The following PNPLA7 variants were observed in gnomAD, a reference collection of about 807,000 sequenced individuals.
The protein encoded by PNPLA7 is patatin like domain 7, lysophospholipase, also known as patatin-like phospholipase domain-containing protein 7.
PNPLA7 carries 153 observed loss-of-function variants against 161.7 expected under a neutral mutation model. The ratio of observed to expected loss-of-function variants is 0.95; its 90% CI spans 0.83 to 1.08. The LOEUF is 1.08. Among genes scored for constraint, PNPLA7 ranks in the 50% least tolerant of loss-of-function variants. PNPLA7 has a pLI of 0.00. For missense variants in PNPLA7, 1,739 were observed against 1,856.6 expected, an observed-to-expected ratio of 0.94 and a Z score of 1.16; for synonymous variants, 809 against 782.1, an observed-to-expected ratio of 1.03 and a Z score of -0.57.
At chr9:137,526,951 T>C (rs1835331240) in intron 8 of PNPLA7, among the ~76,000 whole-genome samples, 3 of 152,016 alleles carry the variant, frequency 2.0e-5, no homozygotes, top group African/African-American at 7.2e-5. Flanking sequence ...GGACCTCCAA[T>C]ACGATGCTGA....
chr9:137,494,575 C>G (rs1832937638), intron 19 of PNPLA7, among the ~76,000 whole-genome samples: 1 of 152,046 alleles, frequency 6.6e-6, no homozygotes, highest in Admixed American at 6.5e-5. Context: ...TCTGCGCCCT[C>G]ACCTGCTCCG....
At position 137,460,684 on chromosome 9, in the gene PNPLA7, C is replaced by T. The variant is rs781714440; in HGVS notation, c.3895G>A (p.Asp1299Asn). 8 of 1,612,860 alleles carry T rather than the reference C, an allele frequency of 5.0e-6. No homozygotes were observed. In the Admixed American group the frequency reaches 1.2e-4, roughly 24 times the overall value. The change falls in exon 34 of 35, where the codon GAT becomes AAT. Residue 1299 changes from aspartate to asparagine, a missense_variant. This residue lies in a region of PNPLA7 where 703 missense variants were observed against 694.6 expected (regional missense o/e 1.01). Transcript: ENST00000406427. ...YEEELLDVPR[D>N]AYADFQSTSA... ...GTGCTCTGGAAGTCTGCGTATGCAT[C>T]CCTGGGGACGTCCAGCAGCTCCTCC...
At chr9:137,502,691 A>G (rs1197097698) in intron 14 of PNPLA7, among the ~76,000 whole-genome samples, 10 of 55,908 alleles carry the variant, frequency 1.8e-4, no homozygotes, top group East Asian at 1.3e-3. Flanking sequence ...GATGAGGGGG[A>G]CGGGGGGGAC....
chr9:137,519,820 G>C (rs1176664626), intron 11 of PNPLA7, 97 bp downstream of exon 11: 1 of 1,492,598 alleles, frequency 6.7e-7, no homozygotes, highest in Non-Finnish European at 9.0e-7. Context: ...GGTGGCCTCA[G>C]GCATGTGCAA....
intron 14 of PNPLA7, among the ~76,000 whole-genome samples, chr9:137,502,013 G>A (rs569795192): frequency 1.3e-5 from 2 of 152,378 alleles, no homozygotes; most frequent in Admixed American, 6.5e-5. Context: ...ACGTAAAAGA[G>A]AGAGGATGTC....
At chr9:137,549,173 A>G (rs983888455) in intron 1 of PNPLA7, among the ~76,000 whole-genome samples, 20 of 152,348 alleles carry the variant, frequency 1.3e-4, no homozygotes, top group African/African-American at 4.8e-4. Flanking sequence ...ATGTGGCTAC[A>G]GATGTTTGAC....
chr9:137,484,488 C>G, intron 21 of PNPLA7, 99 bp downstream of exon 21: 4 of 1,338,576 alleles, frequency 3.0e-6, no homozygotes, highest in Non-Finnish European at 3.9e-6. Flanking sequence ...CCCTGCCCAC[C>G]CACCGCCGCG....
chr9:137,481,129 G>A (rs1026568951), intron 21 of PNPLA7, 106 bp from the exon 22 acceptor site: 9 of 1,174,158 alleles, frequency 7.7e-6, no homozygotes, highest in East Asian at 2.6e-5. Context: ...AGGCACCGAC[G>A]CCCAGCCAGG....
chr9:137,518,903 CTGCT>C (rs1308806976), intron 11 of PNPLA7, among the ~76,000 whole-genome samples: 2 of 134,640 alleles, frequency 1.5e-5, no homozygotes, highest in South Asian at 2.7e-4. Context: ...TCACTCCACT[CTGCT>C]CACTCCATCC....
rs1006035801 is a variant in PNPLA7 at position 137,499,239 on chromosome 9, C to A, written c.1758-994G>T. Among the ~76,000 whole-genome samples, 1 of 151,224 alleles carries A rather than the reference C, an allele frequency of 6.6e-6. No individual in the cohort carries two copies. Among genetic ancestry groups the A allele is most frequent in the Non-Finnish European group, 1.5e-5 (1 of 67,824 alleles). ...CGAGACACACACAGACACACAGACA[C>A]ACACAGACACAAGGAGACACACATG... On this transcript the variant is annotated intron_variant, in intron 16 of 34. Transcript: ENST00000406427. The surrounding 1 kb of genome is among the most constrained non-coding windows in gnomAD (Gnocchi z 5.5).
At chr9:137,502,442 A>G (rs1453108370) in intron 14 of PNPLA7, among the ~76,000 whole-genome samples, 2 of 150,978 alleles carry the variant, frequency 1.3e-5, no homozygotes, top group African/African-American at 4.9e-5. Context: ...CAAAAGAGAA[A>G]TGACATCACA....
At chr9:137,508,158 C>T (rs995056717) in intron 12 of PNPLA7, among the ~76,000 whole-genome samples, 1 of 151,810 alleles carries the variant, frequency 6.6e-6, no homozygotes, top group Non-Finnish European at 1.5e-5. Context: ...CCCAGGAGCT[C>T]GAGGCTGCAG....
chr9:137,464,412 G>A lies in PNPLA7; in HGVS notation c.3084C>T (p.Pro1028=). 6.2e-7 allele frequency: 1 copy of A among 1,614,004 alleles called. No homozygotes were observed. ...LMKAALDLTY[P]ITSMFSGAGF... ...CGGCTCCGGAGAACATGGACGTGAT[G>A]GGGTAGGTGAGGTCCAGCGCGGCCT... Residue 1028 remains proline (P), a synonymous_variant, in exon 27 of 35, where the codon CCC becomes CCT. Transcript: ENST00000406427.
chr9:137,522,819 C>T lies in PNPLA7; in HGVS notation c.786G>A (p.Ala262=), dbSNP rs765197283. The change falls in exon 9 of 35, where the codon GCG becomes GCA. Residue 262 remains alanine, a synonymous_variant. Coordinates refer to ENST00000406427, the MANE Select transcript of PNPLA7 (RefSeq NM_001098537.3). ...GCCGGAGGATGGTGGACGGGATGGC[C>T]GCGCGGACGGAGACCGTTTTGTAAG... ...AAPYKTVSVR[A]AIPSTILRLP... is the part of the protein sequence containing the mutation. 48 of 1,613,582 alleles carry T rather than the reference C, an allele frequency of 3.0e-5. No individual in the cohort carries two copies. Among genetic ancestry groups the T allele is most frequent in the Middle Eastern group, 3.3e-4 (2 of 6,082 alleles).
chr9:137,487,958 C>T (rs975885235), intron 20 of PNPLA7, among the ~76,000 whole-genome samples: 14 of 152,258 alleles, frequency 9.2e-5, no homozygotes, highest in Non-Finnish European at 1.5e-4. Context: ...GCGGGGGACT[C>T]AGGCCCAGAT....
intron 14 of PNPLA7, among the ~76,000 whole-genome samples, chr9:137,503,501 G>A (rs1441205918): frequency 2.8e-4 from 25 of 89,460 alleles, no homozygotes; most frequent in Non-Finnish European, 5.0e-4. Flanking sequence ...GGAGGAGGGG[G>A]AAGGAGAAGG....
Position 137,464,389 on chromosome 9 carries a change from G to C in PNPLA7, c.3107C>G (p.Ala1036Gly), listed in dbSNP as rs1188017445. ...TYPITSMFSG[A>G]GFNSSIFSVF... is the part of the protein sequence containing the mutation. ...GCTGAAGATGCTGCTGTTGAAGCCG[G>C]CTCCGGAGAACATGGACGTGATGGG... is the stretch of plus-strand genomic sequence containing the variant. Residue 1036 changes from alanine to glycine, a missense_variant, in exon 27 of 35, where the codon GCC becomes GGC. Physicochemically the swap from Ala to Gly is moderately conservative, Grantham distance 60. This residue lies in a region of PNPLA7 where 703 missense variants were observed against 694.6 expected (regional missense o/e 1.01). Transcript: ENST00000406427. 3 of 1,613,976 alleles carry C rather than the reference G, an allele frequency of 1.9e-6. No individual in the cohort carries two copies. The highest frequency in any genetic ancestry group is 1.7e-5 in the Admixed American group (1 of 60,026).
chr9:137,546,176 A>G (rs763448993), intron 4 of PNPLA7, among the ~76,000 whole-genome samples: 1 of 152,106 alleles, frequency 6.6e-6, no homozygotes, highest in Admixed American at 6.5e-5. Context: ...AAATAATGGC[A>G]TAAGCTATCT....
In PNPLA7 at chr9:137,522,827, C is replaced by T. The variant is rs199774780; in HGVS notation, c.778G>A (p.Val260Ile). 4.5e-5 allele frequency: 72 copies of T among 1,613,630 alleles called. No homozygotes were observed. Among genetic ancestry groups the T allele is most frequent in the South Asian group, 3.1e-4 (28 of 91,074 alleles). The change falls in exon 9 of 35, where the codon GTC (valine) becomes ATC (isoleucine). Residue 260 changes from valine (V) to isoleucine (I), a missense_variant. Transcript: ENST00000406427. ...GHAAPYKTVS[V>I]RAAIPSTILR... ...ATGGTGGACGGGATGGCCGCGCGGA[C>T]GGAGACCGTTTTGTAAGGTGCAGCA...
Sources: allele counts gnomAD v4.1 joint callset (sites outside exome capture counted in the v4.1 genomes callset), GRCh38; gene constraint gnomAD v4.1.1; regional missense constraint gnomAD v4.1.1; non-coding constraint Gnocchi (gnomAD v3.1); transcripts MANE v1.5; gene names NCBI Gene and HGNC (gene_info 2026-07-23, HGNC 2026-07-21).